Variants in NCOA2 observed in about 807,000 individuals in gnomAD.
NCOA2 encodes the protein class E basic helix-loop-helix protein 75.
Under a neutral mutation model 145.1 loss-of-function variants are expected in NCOA2, and 21 were observed. The ratio of observed to expected loss-of-function variants is 0.14; its 90% CI spans 0.10 to 0.21. The LOEUF is 0.21. Among genes scored for constraint, NCOA2 ranks in the 10% least tolerant of loss-of-function variants. The pLI is 1.00. For synonymous variants in NCOA2, 619 were observed against 637.5 expected (o/e 0.97, Z 0.44); for missense variants, 1,472 against 1,837.6 (o/e 0.80, Z 3.64).
At chr8:70,157,270 G>C (rs1165033073) in intron 10 of NCOA2, 30 bp from the exon 11 acceptor site, 3 of 1,494,484 alleles carry the variant, frequency 2.0e-6, no homozygotes, top group Non-Finnish European at 2.7e-6. Flanking sequence ...AAAAATGTAA[G>C]ATAAAAGGAA....
At chr8:70,420,569 G>C in the NCOA2 span, among the ~76,000 whole-genome samples, 1 of 152,202 alleles carries the variant, frequency 6.6e-6, no homozygotes, top group Admixed American at 6.5e-5. Context: ...GGGAAGGGAG[G>C]TGGGGAGTTT....
chr8:70,141,354 T>C lies in NCOA2; in HGVS notation c.2858A>G (p.Glu953Gly). The part of the protein sequence containing the change: ...SASRPTMPSG[E>G]WAPQSSAVRV... Reference sequence around the variant, plus strand: ...CACAGCCGAACTCTGCGGTGCCCATTCTCCAGATGGCATAGTAGGCCGAGA... The same window carrying C: ...CACAGCCGAACTCTGCGGTGCCCATCCTCCAGATGGCATAGTAGGCCGAGA... The change falls in exon 14 of 23, where the codon GAA becomes GGA. Residue 953 changes from glutamate (E) to glycine (G), a missense_variant. By Grantham distance (98) the Glu-to-Gly change is moderately conservative (BLOSUM62 -2). Coordinates refer to ENST00000452400, the MANE Select transcript of NCOA2 (RefSeq NM_006540.4). 6.2e-7 allele frequency: 1 copy of C among 1,613,796 alleles called. No individual in the cohort carries two copies. Among genetic ancestry groups the C allele is most frequent in the Non-Finnish European group, 8.5e-7 (1 of 1,179,852 alleles).
chr8:70,258,342 A>G (rs1393757272), intron 2 of NCOA2, among the ~76,000 whole-genome samples: 1 of 152,226 alleles, frequency 6.6e-6, no homozygotes, highest in Non-Finnish European at 1.5e-5. Flanking sequence ...TTTCATTTGT[A>G]GCTTCAGGAT....
chr8:70,417,245 T>TAAAAAAAAAAAAA, the NCOA2 span, among the ~76,000 whole-genome samples: 175 of 77,980 alleles, frequency 2.2e-3, 9 homozygotes, highest in African/African-American at 7.5e-3. Flanking sequence ...TCGTCTCTAT[T>TAAAAAAAAAAAAA]AAAAAAAAAA....
At chr8:70,171,722 G>A (rs1814279117) in intron 5 of NCOA2, among the ~76,000 whole-genome samples, 1 of 152,192 alleles carries the variant, frequency 6.6e-6, no homozygotes, top group Non-Finnish European at 1.5e-5. Flanking sequence ...GAGTACAGTG[G>A]CACGATCATA....
intron 4 of NCOA2, among the ~76,000 whole-genome samples, chr8:70,178,611 C>T (rs951375404): frequency 5.3e-5 from 8 of 152,170 alleles, no homozygotes; most frequent in African/African-American, 1.7e-4. Flanking sequence ...TCCTCGTCTG[C>T]CGAGGGCTCA....
Position 70,361,090 on chromosome 8 carries a change from A to AT in NCOA2, c.-77+42609dup, listed in dbSNP as rs553083556. 1.4e-4 allele frequency among the ~76,000 whole-genome samples: 22 copies of AT among 152,324 alleles called. No homozygotes were observed. In the East Asian group the frequency reaches 4.0e-3, roughly 28 times the overall value. ...ATAAAATTCTATGCCTAAATCCACC[A>AT]TTGCTAATAACTTTGCATTGTTAAA... On this transcript the variant is annotated intron_variant, in intron 1 of 22. Transcript: ENST00000452400.
intron 2 of NCOA2, among the ~76,000 whole-genome samples, chr8:70,227,110 C>T (rs1820717527): frequency 6.6e-6 from 1 of 152,216 alleles, no homozygotes. Context: ...CCCACTGTCA[C>T]CATGAGGCAG....
intron 4 of NCOA2, among the ~76,000 whole-genome samples, chr8:70,177,699 T>C (rs573619725): frequency 4.6e-5 from 7 of 151,674 alleles, no homozygotes; most frequent in Admixed American, 1.3e-4. Context: ...CAAGTCCTAT[T>C]ATTCTCTCAG....
chr8:70,128,663 C>A (rs1187292712), intron 17 of NCOA2, 39 bp downstream of exon 17: 2 of 1,606,586 alleles, frequency 1.2e-6, no homozygotes, highest in East Asian at 2.2e-5. Flanking sequence ...GTCCTCCACC[C>A]AGCACCCCTG....
At position 70,144,818 on chromosome 8, in the gene NCOA2, C is replaced by T. The variant is rs1317837991; in HGVS notation, c.2636G>A (p.Gly879Asp). Reference protein sequence around the residue: ...TFNNPRPGQLGRLLPNQNLPL... With the variant: ...TFNNPRPGQLDRLLPNQNLPL... ...TAAATTCTGGTTTGGCAATAACCTG[C>T]CCAGTTGCCCTGGTCGTGGGTTATT... The change falls in exon 13 of 23, where the codon GGC (glycine) becomes GAC (aspartate). Residue 879 changes from glycine to aspartate, a missense_variant. Gly to Asp is a moderately conservative substitution (Grantham distance 94). Coordinates refer to ENST00000452400, the MANE Select transcript of NCOA2 (RefSeq NM_006540.4). The T allele has an allele frequency of 3.7e-6, 6 of 1,613,944 alleles. No individual in the cohort carries two copies. The highest frequency in any genetic ancestry group is 1.6e-4 in the Middle Eastern group (1 of 6,062).
chr8:70,124,905 G>C (rs777276735), intron 19 of NCOA2, 40 bp from the exon 20 acceptor site: 2 of 1,534,000 alleles, frequency 1.3e-6, no homozygotes, highest in South Asian at 1.3e-5. Context: ...AAAAGAGACT[G>C]TTAGTTATAT....
chr8:70,390,456 T>C (rs1273738517), intron 1 of NCOA2, among the ~76,000 whole-genome samples: 1 of 152,178 alleles, frequency 6.6e-6, no homozygotes, highest in Non-Finnish European at 1.5e-5. Context: ...CCAAGGTTTT[T>C]CTATCTACAA....
At chr8:70,365,013 T>C (rs1011946792) in intron 1 of NCOA2, among the ~76,000 whole-genome samples, 2 of 152,120 alleles carry the variant, frequency 1.3e-5, no homozygotes, top group African/African-American at 4.8e-5. Flanking sequence ...TTCAATCCAA[T>C]GAATTCTTAT....
the NCOA2 span, among the ~76,000 whole-genome samples, chr8:70,409,764 G>A: frequency 2.0e-5 from 3 of 152,276 alleles, no homozygotes; most frequent in Admixed American, 1.3e-4. Context: ...CAGCTGCTTG[G>A]GAGGCTGAGG....
At chr8:70,233,878 C>T (rs765358215) in intron 2 of NCOA2, among the ~76,000 whole-genome samples, 10 of 152,060 alleles carry the variant, frequency 6.6e-5, no homozygotes, top group African/African-American at 9.7e-5. Context: ...GGTCACATGT[C>T]GTAAAATGCA....
intron 2 of NCOA2, among the ~76,000 whole-genome samples, chr8:70,254,811 G>A (rs1260381724): frequency 6.6e-6 from 1 of 152,110 alleles, no homozygotes; most frequent in East Asian, 1.9e-4. Context: ...ATAACAGTGT[G>A]AATACACTTA....
chr8:70,203,452 C>T (rs1183029611), intron 4 of NCOA2, among the ~76,000 whole-genome samples: 1 of 151,382 alleles, frequency 6.6e-6, no homozygotes. Flanking sequence ...AAAAAACAAA[C>T]CCAAAACAAA....
chr8:70,220,642 A>T (rs976364005), intron 2 of NCOA2, among the ~76,000 whole-genome samples: 3 of 152,204 alleles, frequency 2.0e-5, no homozygotes, highest in Non-Finnish European at 4.4e-5. Flanking sequence ...CAGAAAGCAA[A>T]ATAAAATGTT....
Sources: gnomAD v4.1 joint callset for allele counts (sites outside exome capture counted in the v4.1 genomes callset) on GRCh38, gnomAD v4.1.1 for gene constraint, MANE v1.5 for transcripts, NCBI Gene and HGNC (gene_info 2026-07-23, HGNC 2026-07-21) for gene names.